The following EPHA5 variants were observed in gnomAD, a reference collection of about 807,000 sequenced individuals.
EPHA5 encodes EPH receptor A5.
A neutral mutation model predicts 105.0 loss-of-function variants in EPHA5; 60 were observed. That is an observed-to-expected ratio of 0.57 (90% CI 0.46 to 0.71). EPHA5 has a LOEUF of 0.71. Among genes scored for constraint, EPHA5 ranks in the 30% least tolerant of loss-of-function variants. The probability of loss-of-function intolerance (pLI) is 0.00; values close to 1 mark genes in which losing one functional copy is unlikely to be tolerated. For synonymous variants in EPHA5, 513 were observed against 449.1 expected (o/e 1.14, Z -1.80); for missense variants, 1,218 against 1,274.7 (o/e 0.96, Z 0.68).
At chr4:65,669,538 C>G (rs757199178) in intron 1 of EPHA5, 24 bp downstream of exon 1, 2 of 1,359,806 alleles carry the variant, frequency 1.5e-6, no homozygotes, top group African/African-American at 1.5e-5. Context: ...CAGGTCGCCA[C>G]GGTCCCCACC....
chr4:65,601,754 G>C lies in EPHA5; in HGVS notation c.797C>G (p.Ser266Cys), dbSNP rs1743751965. The C allele has an allele frequency of 2.5e-6, 4 of 1,614,024 alleles. No individual in the cohort carries two copies. The change falls in exon 3 of 17, where the codon TCT becomes TGT. Residue 266 changes from serine (S) to cysteine (C), a missense_variant. By Grantham distance (112) the Ser-to-Cys change is moderately radical. This residue lies in a region of EPHA5 where 971 missense variants were observed against 1,013.5 expected (regional missense o/e 0.96). Transcript: ENST00000613740. ...CATTTTGGGAGGTTCATCGGTCACAGAATGGTTGACACAGGAGCCTGACAC... is the reference window on the plus strand; with the variant it reads ...CATTTTGGGAGGTTCATCGGTCACACAATGGTTGACACAGGAGCCTGACAC... ...LEVSGSCVNHSVTDEPPKMHC... is the reference protein window; with the variant it reads ...LEVSGSCVNHCVTDEPPKMHC...
intron 11 of EPHA5, among the ~76,000 whole-genome samples, chr4:65,360,284 A>G (rs189208479): frequency 6.6e-6 from 1 of 151,824 alleles, no homozygotes; most frequent in East Asian, 1.9e-4. Context: ...CAGTCGGTTT[A>G]ATCTCTGCTA....
intron 14 of EPHA5, among the ~76,000 whole-genome samples, chr4:65,343,641 T>C (rs891429825): frequency 6.6e-6 from 1 of 152,222 alleles, no homozygotes; most frequent in African/African-American, 2.4e-5. Context: ...TCATGTTTCT[T>C]GGATACAAAA....
rs188426116 is a variant in EPHA5, at chr4:65,517,963, T to C, written c.911-22420A>G. Among the ~76,000 whole-genome samples the C allele has an allele frequency of 2.6e-4, 39 of 152,050 alleles. No individual in the cohort carries two copies. The East Asian group carries it at 3.3e-3, about 13-fold the overall frequency. ...TGTTTAACACCTCAAAATAATAAGA[T>C]TTGTAAGCAAACTCATATTAAAAGA... On this transcript the variant is annotated intron_variant, in intron 3 of 16. Transcript: ENST00000613740.
chr4:65,431,226 G>A (rs183368133), intron 5 of EPHA5, among the ~76,000 whole-genome samples: 1 of 152,210 alleles, frequency 6.6e-6, no homozygotes, highest in African/African-American at 2.4e-5. Context: ...TGCCCTGCAT[G>A]CTAAATGCAA....
At chr4:65,423,686 A>G (rs930071557) in intron 5 of EPHA5, among the ~76,000 whole-genome samples, 26 of 141,404 alleles carry the variant, frequency 1.8e-4, no homozygotes, top group African/African-American at 7.1e-4. Flanking sequence ...TTTTTTCTAC[A>G]TTATTTTCTT....
In EPHA5 at chr4:65,573,811, C is replaced by T. The variant is rs1047076385; in HGVS notation, c.910+27830G>A. 5.6e-6 allele frequency: 9 copies of T among 1,613,688 alleles called. No homozygotes were observed. The African/African-American group carries it at 9.3e-5, about 17-fold the overall frequency. The stretch of plus-strand genomic sequence containing the variant: ...CGCAAAATGCCTAGATATTATCCTA[C>T]TGAAGATGTGCCTCGAAAGCTGTTG... On this transcript the variant is annotated intron_variant, in intron 3 of 16. Transcript: ENST00000613740.
chr4:65,328,137 C>T (rs1484430638), intron 16 of EPHA5, among the ~76,000 whole-genome samples: 1 of 150,748 alleles, frequency 6.6e-6, no homozygotes, highest in African/African-American at 2.4e-5. Flanking sequence ...TAAGTAATAC[C>T]GAAGGTCAAT....
At chr4:65,540,878 A>C (rs76931969) in intron 3 of EPHA5, among the ~76,000 whole-genome samples, 28,094 of 146,054 alleles carry the variant, frequency 0.19, 2,839 homozygotes, top group Middle Eastern at 0.26. Context: ...AAAAAAAAAA[A>C]CAAAAATCAT....
At chr4:65,465,193 T>C (rs1370200625) in intron 5 of EPHA5, among the ~76,000 whole-genome samples, 1 of 151,904 alleles carries the variant, frequency 6.6e-6, no homozygotes, top group African/African-American at 2.4e-5. Flanking sequence ...ATCCTAGCAC[T>C]TTGGGAGGCA....
intron 3 of EPHA5, among the ~76,000 whole-genome samples, chr4:65,587,971 TA>T (rs997548361): frequency 6.6e-6 from 1 of 152,146 alleles, no homozygotes; most frequent in Admixed American, 6.6e-5. Context: ...GTGACAAAAT[TA>T]AATGAATTTC....
chr4:65,483,515 A>T (rs1473719362), intron 5 of EPHA5, among the ~76,000 whole-genome samples: 1 of 152,130 alleles, frequency 6.6e-6, no homozygotes, highest in African/African-American at 2.4e-5. Context: ...CACCCTCTCC[A>T]GCACCTGTTG....
intron 3 of EPHA5, among the ~76,000 whole-genome samples, chr4:65,536,213 A>G (rs1736272197): frequency 6.6e-6 from 1 of 151,964 alleles, no homozygotes; most frequent in Non-Finnish European, 1.5e-5. Context: ...CTTTGAGCAG[A>G]CAATTGCTCC....
intron 5 of EPHA5, among the ~76,000 whole-genome samples, chr4:65,472,998 C>T (rs941410362): frequency 6.6e-6 from 1 of 152,110 alleles, no homozygotes; most frequent in African/African-American, 2.4e-5. Flanking sequence ...AACATAAATT[C>T]CAGTTTCAGA....
Position 65,456,706 on chromosome 4 carries a change from CA to C in EPHA5, c.1402+33670del, listed in dbSNP as rs374035386. On this transcript the variant is annotated intron_variant, in intron 5 of 16. Coordinates refer to ENST00000613740, the MANE Select transcript of EPHA5 (RefSeq NM_001281766.3). ...GGATATCAGTTGTAAGTGGAAAAAT[CA>C]TACAAAATAAACATATACACACACA... Among the ~76,000 whole-genome samples the C allele has an allele frequency of 3.5e-3, 456 of 131,732 alleles. 4 individuals carry two copies. The highest frequency in any genetic ancestry group is 0.012 in the African/African-American group (430 of 36,104). The allele number at this position is 131,732 out of a possible 152,430, so 86.4% of individuals were successfully genotyped here.
chr4:65,609,024 A>G (rs1744507123), intron 2 of EPHA5, among the ~76,000 whole-genome samples: 1 of 152,228 alleles, frequency 6.6e-6, no homozygotes, highest in Admixed American at 6.5e-5. Context: ...GTAGAATTAT[A>G]GCTTCCATCC....
At chr4:65,654,993 G>T (rs1748933535) in intron 1 of EPHA5, among the ~76,000 whole-genome samples, 1 of 149,794 alleles carries the variant, frequency 6.7e-6, no homozygotes, top group Non-Finnish European at 1.5e-5. Flanking sequence ...CAAATCAGTG[G>T]TTATGTCATT....
At chr4:65,650,250 T>G (rs1439189495) in intron 1 of EPHA5, among the ~76,000 whole-genome samples, 1 of 151,952 alleles carries the variant, frequency 6.6e-6, no homozygotes, top group Non-Finnish European at 1.5e-5. Flanking sequence ...TGCAATGCCA[T>G]ATAACTAGTT....
intron 5 of EPHA5, among the ~76,000 whole-genome samples, chr4:65,423,471 G>C (rs1230713459): frequency 6.6e-6 from 1 of 151,926 alleles, no homozygotes; most frequent in East Asian, 1.9e-4. Flanking sequence ...AAATTCTTCT[G>C]CATGGGAAAT....
Sources: gnomAD v4.1 joint callset for allele counts (sites outside exome capture counted in the v4.1 genomes callset) on GRCh38, gnomAD v4.1.1 for gene constraint, gnomAD v4.1.1 regional missense constraint, MANE v1.5 for transcripts, NCBI Gene and HGNC (gene_info 2026-07-23, HGNC 2026-07-21) for gene names.